Variants in SPTLC2 observed in about 807,000 individuals in gnomAD.
The protein encoded by SPTLC2 is serine palmitoyltransferase long chain base subunit 2.
In SPTLC2, 21 loss-of-function variants were observed where a neutral mutation model predicts 62.0. The ratio of observed to expected loss-of-function variants is 0.34; its 90% CI spans 0.24 to 0.49. SPTLC2 has a LOEUF of 0.49. Ranked by LOEUF, SPTLC2 falls within the 20% of genes least tolerant of loss-of-function variation. The pLI is 0.99. For missense variants in SPTLC2, 511 were observed against 713.0 expected (o/e 0.72, Z 3.23); for synonymous variants, 261 against 261.8 (o/e 1.00, Z 0.03).
At chr14:77,578,334 C>CTT (rs879396969) in intron 3 of SPTLC2, among the ~76,000 whole-genome samples, 2 of 136,974 alleles carry the variant, frequency 1.5e-5, no homozygotes, top group African/African-American at 2.7e-5. Flanking sequence ...GATAGCTTTT[C>CTT]TTTTTTTTTT....
rs577330363 is a variant in SPTLC2 at position 77,533,166 on chromosome 14, G to A, written c.1304-11585C>T. Among the ~76,000 whole-genome samples the A allele has an allele frequency of 5.3e-5, 8 of 152,164 alleles. No homozygotes were observed. In the East Asian group the frequency reaches 9.7e-4, roughly 18 times the overall value. On this transcript the variant is annotated intron_variant, in intron 9 of 11. Transcript: ENST00000216484. ...AATACAAAAATTAGCTGGGCGTGGT[G>A]GTGCACGCCTGGAGTTCCAGCTACT...
At chr14:77,559,637 C>A (rs2079604140) in intron 6 of SPTLC2, among the ~76,000 whole-genome samples, 3 of 151,934 alleles carry the variant, frequency 2.0e-5, no homozygotes, top group Non-Finnish European at 2.9e-5. Context: ...CTCCTGTAAT[C>A]CCAGCATTTT....
intron 5 of SPTLC2, among the ~76,000 whole-genome samples, chr14:77,567,987 C>T (rs1348384913): frequency 6.6e-6 from 1 of 152,024 alleles, no homozygotes. Flanking sequence ...TTTAGCACCC[C>T]TAAGCATTTT....
In SPTLC2 at chr14:77,597,870, T is replaced by C. The variant is rs181935783; in HGVS notation, c.133-490A>G. Among the ~76,000 whole-genome samples the C allele has an allele frequency of 9.8e-3, 1,459 of 148,608 alleles. 21 individuals are homozygous for C. Among genetic ancestry groups the C allele is most frequent in the African/African-American group, 0.034 (1,391 of 40,458 alleles). On this transcript the variant is annotated intron_variant, in intron 1 of 11. Coordinates refer to ENST00000216484, the MANE Select transcript of SPTLC2 (RefSeq NM_004863.4). ...CAGGCACGGTGGCTCACGCCTATAA[T>C]CCCAGCACTTTGGGAGGCCGAGGCG...
At position 77,508,033 on chromosome 14, in the gene SPTLC2, T is replaced by C. The variant is rs902895408; in HGVS notation, c.*4251A>G. The C allele has an allele frequency of 4.6e-5, 7 of 152,252 alleles. No individual in the cohort carries two copies. Among genetic ancestry groups the C allele is most frequent in the African/African-American group, 1.7e-4 (7 of 41,454 alleles). The allele number at this position is 152,252 out of a possible 1,614,324, so 9.4% of individuals were successfully genotyped here. ...CGCACCCAGCTCCTAACAATTTTTT[T>C]TCCCCCTCTTATTGAGCCAGGGTCT... On this transcript the variant is annotated 3_prime_UTR_variant, in exon 12 of 12. Coordinates refer to ENST00000216484, the MANE Select transcript of SPTLC2 (RefSeq NM_004863.4).
chr14:77,529,875 G>A (rs2079429332), intron 9 of SPTLC2, among the ~76,000 whole-genome samples: 1 of 151,720 alleles, frequency 6.6e-6, no homozygotes, highest in South Asian at 2.1e-4. Context: ...CACCTGCCTG[G>A]CCCAGTAAAG....
In SPTLC2 at chr14:77,616,520, C is replaced by A. The variant is rs1422341696; in HGVS notation, c.60G>T (p.Val20=). The stretch of plus-strand genomic sequence containing the variant: ...ACCCGTTCCGTACTTCCCCGTTCGC[C>A]ACGCAGCCATTCGCCCGCACCGTGC... ...CRRTVRANGC[V]ANGEVRNGYV... is the part of the protein sequence containing the mutation. The change falls in exon 1 of 12, where the codon GTG becomes GTT. Residue 20 remains valine, a synonymous_variant. Coordinates refer to ENST00000216484, the MANE Select transcript of SPTLC2 (RefSeq NM_004863.4). The A allele has an allele frequency of 1.3e-6, 2 of 1,534,944 alleles. No individual in the cohort carries two copies. Among genetic ancestry groups the A allele is most frequent in the Non-Finnish European group, 1.7e-6 (2 of 1,146,104 alleles).
chr14:77,548,098 C>T (rs979399279), intron 9 of SPTLC2, among the ~76,000 whole-genome samples: 3 of 152,044 alleles, frequency 2.0e-5, no homozygotes, highest in African/African-American at 7.2e-5. Flanking sequence ...CCTTTCAAAA[C>T]AAAGAAGTAC....
chr14:77,536,070 G>A (rs930257083), intron 9 of SPTLC2: 9 of 401,626 alleles, frequency 2.2e-5, no homozygotes, highest in African/African-American at 1.9e-4. Flanking sequence ...GCTAAAAACT[G>A]TGGAGACACA....
At chr14:77,544,154 G>A (rs1008888682) in intron 9 of SPTLC2, among the ~76,000 whole-genome samples, 1 of 152,036 alleles carries the variant, frequency 6.6e-6, no homozygotes, top group Non-Finnish European at 1.5e-5. Flanking sequence ...TTACAGACGT[G>A]TACCACCACA....
chr14:77,606,191 A>G (rs1001159618), intron 1 of SPTLC2, among the ~76,000 whole-genome samples: 1 of 152,188 alleles, frequency 6.6e-6, no homozygotes, highest in Non-Finnish European at 1.5e-5. Context: ...TTTGCCAGGC[A>G]TGGTGGCGCA....
At chr14:77,520,032 T>C (rs7157220) in intron 10 of SPTLC2, among the ~76,000 whole-genome samples, 3,043 of 152,318 alleles carry the variant, frequency 0.02, 110 homozygotes, top group African/African-American at 0.069. Context: ...TTATATTTAG[T>C]AGTTATTGCT....
At chr14:77,593,187 A>C (rs892826071) in intron 2 of SPTLC2, among the ~76,000 whole-genome samples, 25 of 152,178 alleles carry the variant, frequency 1.6e-4, no homozygotes, top group African/African-American at 6.0e-4. Flanking sequence ...GATCATGAAC[A>C]AGCTGTGGAG....
At chr14:77,614,285 T>G (rs945847371) in intron 1 of SPTLC2, among the ~76,000 whole-genome samples, 2 of 152,220 alleles carry the variant, frequency 1.3e-5, no homozygotes, top group Non-Finnish European at 2.9e-5. Flanking sequence ...AATCTGAACA[T>G]AACTCATAGG....
intron 8 of SPTLC2, among the ~76,000 whole-genome samples, chr14:77,554,028 A>T (rs1307125899): frequency 2.0e-5 from 3 of 152,254 alleles, no homozygotes; most frequent in Non-Finnish European, 2.9e-5. Flanking sequence ...TATGTTGCCC[A>T]GCTGGTATTG....
intron 2 of SPTLC2, among the ~76,000 whole-genome samples, chr14:77,594,891 C>G (rs755591884): frequency 6.6e-6 from 1 of 152,164 alleles, no homozygotes; most frequent in South Asian, 2.1e-4. Flanking sequence ...CAGCTACCAT[C>G]GGTCATAACT....
chr14:77,573,074 G>A (rs561539912), intron 4 of SPTLC2, among the ~76,000 whole-genome samples: 61 of 152,250 alleles, frequency 4.0e-4, no homozygotes, highest in Non-Finnish European at 7.2e-4. Flanking sequence ...ATTGCTTGGT[G>A]TAAGAGGCCT....
chr14:77,547,848 T>G (rs1200931801), intron 9 of SPTLC2: 1 of 147,858 alleles, frequency 6.8e-6, no homozygotes, highest in Admixed American at 6.7e-5. Flanking sequence ...ACTCCAGGCA[T>G]GTGCCACTGC....
At chr14:77,535,867 A>T (rs1484126581) in intron 9 of SPTLC2, 1 of 421,614 alleles carries the variant, frequency 2.4e-6, no homozygotes, top group Admixed American at 3.0e-5. Flanking sequence ...TAACAATGAG[A>T]TATGGAGAAG....
Sources: gnomAD v4.1 joint callset for allele counts (sites outside exome capture counted in the v4.1 genomes callset) on GRCh38, gnomAD v4.1.1 for gene constraint, MANE v1.5 for transcripts, NCBI Gene and HGNC (gene_info 2026-07-23, HGNC 2026-07-21) for gene names.